Variants in NTM observed in about 807,000 individuals in gnomAD.
NTM encodes IgLON family member 2.
NTM carries 13 observed loss-of-function variants against 42.1 expected under a neutral mutation model. The observed-to-expected ratio is 0.31, with a 90% CI of 0.20 to 0.49. The LOEUF is 0.49. NTM is among the 20% of genes least tolerant of loss of function. The probability of loss-of-function intolerance (pLI) is 0.99; values close to 1 mark genes in which losing one functional copy is unlikely to be tolerated. For synonymous variants in NTM, 187 were observed against 179.2 expected, an observed-to-expected ratio of 1.04 and a Z score of -0.35; for missense variants, 373 against 452.8, an observed-to-expected ratio of 0.82 and a Z score of 1.60.
rs560412764 is a variant in NTM at position 131,400,617 on chromosome 11, G to A, written c.82+29729G>A. ...TGTAAATGTGTTGATGGGCATTGTC[G>A]ACATGGAACACATTGTTACCTCCTT... On this transcript the variant is annotated intron_variant, in intron 1 of 8. Transcript: ENST00000683400. Among the ~76,000 whole-genome samples the A allele has an allele frequency of 5.3e-5, 8 of 152,208 alleles. No homozygotes were observed. The South Asian group carries it at 6.2e-4, about 12-fold the overall frequency.
At chr11:132,119,205 T>C (rs953550528) in intron 2 of NTM, among the ~76,000 whole-genome samples, 2 of 152,218 alleles carry the variant, frequency 1.3e-5, no homozygotes, top group African/African-American at 2.4e-5. Flanking sequence ...GTGGTCACCC[T>C]GGACACTGGA....
chr11:131,559,096 G>T (rs1361551076), intron 1 of NTM, among the ~76,000 whole-genome samples: 1 of 152,066 alleles, frequency 6.6e-6, no homozygotes, highest in Admixed American at 6.5e-5. Flanking sequence ...TGGAAGACCC[G>T]CAAGGAGGTT....
intron 4 of NTM, among the ~76,000 whole-genome samples, chr11:132,246,002 G>A (rs976053236): frequency 6.6e-6 from 1 of 152,200 alleles, no homozygotes; most frequent in African/African-American, 2.4e-5. Flanking sequence ...TCCTATAGGG[G>A]TTTGATGAGA....
intron 1 of NTM, among the ~76,000 whole-genome samples, chr11:131,555,370 C>T (rs763596709): frequency 2.2e-4 from 34 of 152,148 alleles, no homozygotes; most frequent in Non-Finnish European, 4.4e-4. Context: ...ACAGGGTTGT[C>T]ATTGGGTCCT....
intron 4 of NTM, among the ~76,000 whole-genome samples, chr11:132,298,740 C>A (rs545462252): frequency 1.3e-5 from 2 of 152,174 alleles, no homozygotes; most frequent in Non-Finnish European, 2.9e-5. Context: ...TTTGTTTCTA[C>A]GTATCTATAA....
chr11:131,747,188 A>G (rs899599008), intron 1 of NTM, among the ~76,000 whole-genome samples: 3 of 152,200 alleles, frequency 2.0e-5, no homozygotes, highest in Non-Finnish European at 2.9e-5. Flanking sequence ...ACTACAATCT[A>G]TAAATCAACA....
chr11:132,242,506 A>G, intron 4 of NTM, among the ~76,000 whole-genome samples: 1 of 152,356 alleles, frequency 6.6e-6, no homozygotes. Context: ...GCGTCTCGCT[A>G]GTTTTTCTTC....
chr11:132,281,562 T>G (rs1412674552), intron 4 of NTM, among the ~76,000 whole-genome samples: 1 of 152,244 alleles, frequency 6.6e-6, no homozygotes, highest in East Asian at 1.9e-4. Context: ...GAGAACCTTC[T>G]TTCATTTACA....
intron 4 of NTM, among the ~76,000 whole-genome samples, chr11:132,305,285 C>T (rs1237266639): frequency 6.6e-6 from 1 of 152,168 alleles, no homozygotes; most frequent in African/African-American, 2.4e-5. Context: ...TCCAGAGAAC[C>T]TCTGTCTTTT....
At chr11:131,381,716 C>A (rs1235758659) in intron 1 of NTM, among the ~76,000 whole-genome samples, 2 of 152,196 alleles carry the variant, frequency 1.3e-5, no homozygotes, top group African/African-American at 4.8e-5. Context: ...TGATTAATTC[C>A]TGCTCAAGAA....
chr11:132,144,908 A>G (rs1282538992), intron 2 of NTM, among the ~76,000 whole-genome samples: 2 of 152,222 alleles, frequency 1.3e-5, no homozygotes, highest in African/African-American at 2.4e-5. Context: ...CACCTAAGTG[A>G]TCCTTACATA....
chr11:131,910,853 G>C (rs1186268933), intron 1 of NTM: 1 of 985,056 alleles, frequency 1.0e-6, no homozygotes, highest in Non-Finnish European at 1.2e-6. Context: ...CGAGGAAGTT[G>C]ACCGAGGCGG....
At chr11:132,320,867 C>T (rs563765975) in intron 7 of NTM, among the ~76,000 whole-genome samples, 22 of 151,668 alleles carry the variant, frequency 1.5e-4, no homozygotes, top group Admixed American at 4.6e-4. Context: ...GGTCCCTGAC[C>T]CCTGACCCCC....
chr11:132,150,745 CGA>C (rs2071714099), intron 3 of NTM, among the ~76,000 whole-genome samples: 1 of 151,908 alleles, frequency 6.6e-6, no homozygotes, highest in African/African-American at 2.4e-5. Context: ...AGGCAGAGTT[CGA>C]GGGTTGGTTA....
At chr11:131,402,949 G>A (rs1178147413) in intron 1 of NTM, among the ~76,000 whole-genome samples, 1 of 152,148 alleles carries the variant, frequency 6.6e-6, no homozygotes, top group African/African-American at 2.4e-5. Context: ...TAAAATAAAG[G>A]ATACTCCATG....
rs563907804 is a variant in NTM at position 132,204,957 on chromosome 11, A to G, written c.401-7065A>G. 2.0e-5 allele frequency among the ~76,000 whole-genome samples: 3 copies of G among 152,290 alleles called. No individual in the cohort carries two copies. In the East Asian group the frequency reaches 5.8e-4, roughly 29 times the overall value. ...TTCCAAGCTTTCCAATCTGGGTTGG[A>G]CATTCATGCACCAGGCTGTTCTCAT... is the stretch of plus-strand genomic sequence containing the variant. On this transcript the variant is annotated intron_variant, in intron 3 of 8. Transcript: ENST00000683400.
chr11:132,125,501 TGTG>T (rs1406286678), intron 2 of NTM, among the ~76,000 whole-genome samples: 26 of 140,278 alleles, frequency 1.9e-4, no homozygotes, highest in East Asian at 6.8e-4. Context: ...GCGTGTGTGG[TGTG>T]GTGGTGTATG....
intron 1 of NTM, among the ~76,000 whole-genome samples, chr11:131,429,715 AT>A (rs1274373367): frequency 6.6e-6 from 1 of 152,034 alleles, no homozygotes; most frequent in African/African-American, 2.4e-5. Context: ...TAAAGAATGC[AT>A]TTTTTTCCTG....
At chr11:131,963,609 A>G (rs1264012243) in intron 2 of NTM, among the ~76,000 whole-genome samples, 4 of 152,172 alleles carry the variant, frequency 2.6e-5, no homozygotes, top group East Asian at 1.9e-4. Context: ...TTGGAGCTCT[A>G]CTCCTATGTT....
Sources: gnomAD v4.1 joint callset for allele counts (sites outside exome capture counted in the v4.1 genomes callset) on GRCh38, gnomAD v4.1.1 for gene constraint, MANE v1.5 for transcripts, NCBI Gene and HGNC (gene_info 2026-07-23, HGNC 2026-07-21) for gene names.